The following INO80D variants were observed in gnomAD, a reference collection of about 807,000 sequenced individuals.
The protein encoded by INO80D is INO80 complex subunit D.
INO80D carries 21 observed loss-of-function variants against 87.6 expected under a neutral mutation model. That is an observed-to-expected ratio of 0.24 (90% CI 0.17 to 0.35). The LOEUF (loss-of-function observed/expected upper bound fraction) is 0.35, where lower values mean the gene tolerates loss of function less well. Ranked by LOEUF, INO80D falls within the 10% of genes least tolerant of loss-of-function variation. INO80D has a pLI of 1.00. For missense variants in INO80D, 982 were observed against 1,280.7 expected (o/e 0.77, Z 3.56); for synonymous variants, 440 against 491.0 (o/e 0.90, Z 1.37).
intron 6 of INO80D, 91 bp from the exon 7 acceptor site, chr2:206,019,936 T>A (rs542394565): frequency 2.0e-5 from 17 of 833,896 alleles, no homozygotes; most frequent in African/African-American, 1.7e-4. Flanking sequence ...TCTGTAACAC[T>A]CTCATTATAA....
intron 5 of INO80D, among the ~76,000 whole-genome samples, chr2:206,040,259 C>A (rs576918757): frequency 7.3e-6 from 1 of 136,406 alleles, no homozygotes; most frequent in East Asian, 2.1e-4. Flanking sequence ...GCACTCCAGC[C>A]TGGGTGACAG....
intron 6 of INO80D, among the ~76,000 whole-genome samples, chr2:206,027,591 C>T (rs1348417323): frequency 6.6e-6 from 1 of 152,082 alleles, no homozygotes; most frequent in East Asian, 1.9e-4. Context: ...ATAGTCCCAG[C>T]TACTCAGGAG....
intron 1 of INO80D, among the ~76,000 whole-genome samples, chr2:206,080,902 C>CAA (rs60198558): frequency 0.045 from 1,713 of 38,028 alleles, 39 homozygotes; most frequent in African/African-American, 0.091. Context: ...GACTCAGTCT[C>CAA]AAAAAAAAAA....
rs534429225 is a variant in INO80D at position 206,045,614 on chromosome 2, G to A, written c.1073+890C>T. 1.8e-4 allele frequency among the ~76,000 whole-genome samples: 28 copies of A among 151,790 alleles called. No homozygotes were observed. The South Asian group carries it at 5.0e-3, about 27-fold the overall frequency. ...GATCTTAGACAAACACTTCTTTTCC[G>A]AAGACATAACATGGGGAAAAAAACT... On this transcript the variant is annotated intron_variant, in intron 5 of 10. Coordinates refer to ENST00000403263, the MANE Select transcript of INO80D (RefSeq NM_017759.5).
intron 6 of INO80D, among the ~76,000 whole-genome samples, chr2:206,023,682 A>AG (rs958322806): frequency 4.3e-5 from 6 of 137,956 alleles, no homozygotes; most frequent in Admixed American, 2.1e-4. Flanking sequence ...GACTCATCTA[A>AG]AAAAAAAAAA....
intron 1 of INO80D, among the ~76,000 whole-genome samples, chr2:206,067,741 C>T (rs1003035327): frequency 6.6e-6 from 1 of 152,136 alleles, no homozygotes; most frequent in African/African-American, 2.4e-5. Flanking sequence ...AAGCCAAACA[C>T]ACACGTATCT....
chr2:206,015,381 G>A (rs1296788293), intron 8 of INO80D, among the ~76,000 whole-genome samples: 1 of 152,150 alleles, frequency 6.6e-6, no homozygotes, highest in African/African-American at 2.4e-5. Context: ...CAAACCCAGG[G>A]CTCCCGTGCT....
chr2:206,074,336 G>A (rs764606042), intron 1 of INO80D, among the ~76,000 whole-genome samples: 11 of 152,152 alleles, frequency 7.2e-5, no homozygotes, highest in East Asian at 3.9e-4. Context: ...GGAAATAGCC[G>A]GGCACGGAGG....
At position 206,085,544 on chromosome 2, in the gene INO80D, G is replaced by A. The variant is rs1690431161; in HGVS notation, c.-124+357C>T. On this transcript the variant is annotated intron_variant, in intron 1 of 10. Coordinates refer to ENST00000403263, the MANE Select transcript of INO80D (RefSeq NM_017759.5). This position sits in a 1 kb window ranked among gnomAD's most constrained non-coding sequence, Gnocchi z 4.5. Reference sequence around the variant, plus strand: ...CGCGGAGGCCCGGGGTGCGGGGGCAGGGCGCGGCTGCCGTGGGGCCTACCG... The same window carrying A: ...CGCGGAGGCCCGGGGTGCGGGGGCAAGGCGCGGCTGCCGTGGGGCCTACCG... 2 of 150,218 alleles carry A rather than the reference G, an allele frequency of 1.3e-5. No homozygotes were observed. Among genetic ancestry groups the A allele is most frequent in the African/African-American group, 4.9e-5 (2 of 41,174 alleles). 9.3% of individuals were successfully genotyped at this position (150,218 alleles called of 1,614,324 possible). A position where few individuals can be genotyped will look rare whatever the true frequency, so the allele number is the denominator to read the frequency against.
chr2:206,039,992 C>G (rs539626006), intron 5 of INO80D, among the ~76,000 whole-genome samples: 132 of 151,646 alleles, frequency 8.7e-4, no homozygotes, highest in African/African-American at 3.1e-3. Context: ...CACAAAACTT[C>G]CCACAAAAAA....
At chr2:206,057,947 A>G (rs548801209) in intron 3 of INO80D, among the ~76,000 whole-genome samples, 1 of 150,910 alleles carries the variant, frequency 6.6e-6, no homozygotes, top group Middle Eastern at 3.2e-3. Context: ...GCTATTTTGA[A>G]TTCTCTGTCT....
At chr2:206,040,561 G>A (rs112120807) in intron 5 of INO80D, 14 of 251,324 alleles carry the variant, frequency 5.6e-5, no homozygotes, top group African/African-American at 1.1e-4. Flanking sequence ...CCAAGCTCTC[G>A]TGGTTGGAAT....
At chr2:206,084,969 G>T (rs1053533299) in intron 1 of INO80D, among the ~76,000 whole-genome samples, 2 of 152,210 alleles carry the variant, frequency 1.3e-5, no homozygotes, top group Admixed American at 1.3e-4. Context: ...CTAGGGGGAA[G>T]GGGCTGGAGT....
intron 6 of INO80D, among the ~76,000 whole-genome samples, chr2:206,024,558 C>T (rs1057257026): frequency 6.6e-6 from 1 of 152,088 alleles, no homozygotes; most frequent in Non-Finnish European, 1.5e-5. Context: ...ACAACTCTAA[C>T]CTGTTCTACT....
chr2:206,024,979 C>T (rs1384364224), intron 6 of INO80D, among the ~76,000 whole-genome samples: 1 of 152,002 alleles, frequency 6.6e-6, no homozygotes, highest in Non-Finnish European at 1.5e-5. Context: ...TGGTCTCGAA[C>T]TCCTGACCTC....
intron 1 of INO80D, among the ~76,000 whole-genome samples, chr2:206,083,177 C>G (rs1690330653): frequency 6.6e-6 from 1 of 152,168 alleles, no homozygotes; most frequent in Admixed American, 6.5e-5. Context: ...ATTAGGCGAT[C>G]AGGTTAGGAA....
chr2:206,015,503 G>C (rs1005274657), intron 8 of INO80D, among the ~76,000 whole-genome samples: 9 of 152,178 alleles, frequency 5.9e-5, no homozygotes, highest in African/African-American at 1.9e-4. Flanking sequence ...CCCAAGCCTT[G>C]GCAGCTTCTA....
chr2:206,076,348 GT>G (rs1304597565), intron 1 of INO80D, among the ~76,000 whole-genome samples: 1 of 152,106 alleles, frequency 6.6e-6, no homozygotes, highest in African/African-American at 2.4e-5. Context: ...TCTTAAAAAC[GT>G]TTTTCCATGT....
In INO80D at chr2:206,002,991, C is replaced by T. The variant is rs886968878; in HGVS notation, c.*1377G>A. ...GGCAAGAAACCTCACAAATTCATCT[C>T]ATAGTCACAAACTTCCTAAACTACC... On this transcript the variant is annotated 3_prime_UTR_variant, in exon 11 of 11. Transcript: ENST00000403263. 2 of 152,152 alleles carry T rather than the reference C, an allele frequency of 1.3e-5. No individual in the cohort carries two copies. Among genetic ancestry groups the T allele is most frequent in the Non-Finnish European group, 2.9e-5 (2 of 68,024 alleles). 9.4% of individuals were successfully genotyped at this position (152,152 alleles called of 1,614,324 possible).
Sources: gnomAD v4.1 joint callset for allele counts (sites outside exome capture counted in the v4.1 genomes callset) on GRCh38, gnomAD v4.1.1 for gene constraint, Gnocchi (gnomAD v3.1) non-coding constraint, MANE v1.5 for transcripts, NCBI Gene and HGNC (gene_info 2026-07-23, HGNC 2026-07-21) for gene names.